PNLIP: variants seen among roughly 807,000 people sequenced by gnomAD.
The protein encoded by PNLIP is pancreatic triacylglycerol lipase.
Under a neutral mutation model 57.1 loss-of-function variants are expected in PNLIP, and 49 were observed. The observed-to-expected ratio is 0.86, with a 90% CI of 0.68 to 1.09. The LOEUF (loss-of-function observed/expected upper bound fraction) is 1.09, where lower values mean the gene tolerates loss of function less well. PNLIP is among the 50% of genes least tolerant of loss of function. PNLIP has a pLI of 0.00. For missense variants in PNLIP, 503 were observed against 570.2 expected, an observed-to-expected ratio of 0.88 and a Z score of 1.20; for synonymous variants, 209 against 200.4, an observed-to-expected ratio of 1.04 and a Z score of -0.36.
At chr10:116,550,221 G>A (rs935449238) in intron 4 of PNLIP, among the ~76,000 whole-genome samples, 3 of 151,540 alleles carry the variant, frequency 2.0e-5, no homozygotes, top group Non-Finnish European at 4.4e-5. Context: ...ACCAGGCCCG[G>A]CTAATTTTTT....
At chr10:116,565,039 T>C (rs2133209802) in intron 12 of PNLIP, among the ~76,000 whole-genome samples, 1 of 151,874 alleles carries the variant, frequency 6.6e-6, no homozygotes, top group East Asian at 1.9e-4. Flanking sequence ...GGCGGGTGGA[T>C]CATGAGGTCA....
chr10:116,561,836 T>C (rs758198161), intron 12 of PNLIP, among the ~76,000 whole-genome samples, 200 bp downstream of exon 12: 19 of 152,192 alleles, frequency 1.2e-4, no homozygotes, highest in South Asian at 4.1e-4. Flanking sequence ...ATGATAGATG[T>C]GTGTTAGCTG....
intron 12 of PNLIP, 108 bp from the exon 13 acceptor site, chr10:116,567,627 G>A: frequency 1.2e-6 from 1 of 832,136 alleles, no homozygotes; most frequent in Non-Finnish European, 2.1e-6. Flanking sequence ...AGCACAGGGT[G>A]CGCCCTTCCC....
At chr10:116,547,725 CAAAA>C (rs569977938) in intron 3 of PNLIP, among the ~76,000 whole-genome samples, 1 of 47,240 alleles carries the variant, frequency 2.1e-5, no homozygotes, top group Non-Finnish European at 4.1e-5. Context: ...GACTCCATCT[CAAAA>C]AAAAAAAAAA....
At chr10:116,567,654 G>A in intron 12 of PNLIP, 81 bp from the exon 13 acceptor site, 1 of 1,146,528 alleles carries the variant, frequency 8.7e-7, no homozygotes, top group Non-Finnish European at 1.3e-6. Flanking sequence ...TAGGAGGTTG[G>A]GGGCATAGAT....
At chr10:116,553,485 C>T (rs1847216812) in intron 5 of PNLIP, among the ~76,000 whole-genome samples, 1 of 152,204 alleles carries the variant, frequency 6.6e-6, no homozygotes, top group Non-Finnish European at 1.5e-5. Flanking sequence ...CGTTGTGTTC[C>T]AGTTGCCTAG....
chr10:116,567,147 CTCTTTCTTTCTTT>C (rs1564728833), intron 12 of PNLIP, among the ~76,000 whole-genome samples: 3 of 132,504 alleles, frequency 2.3e-5, no homozygotes, highest in Non-Finnish European at 3.2e-5. Flanking sequence ...TTCTTTTCTT[CTCTTTCTTTCTTT>C]TCTTTCTTTC....
At position 116,561,472 on chromosome 10, in the gene PNLIP, G is replaced by A; in HGVS notation, c.1170G>A (p.Lys390=). Residue 390 remains lysine, a splice_region_variant and synonymous_variant, in exon 12 of 13, where the codon AAG becomes AAA. Coordinates refer to ENST00000369221, the MANE Select transcript of PNLIP (RefSeq NM_000936.4). ...TTTTGTTAACTTCTTAAATCCTTAG[G>A]GGCACTCTCAAACCAGATAGTACTC... The part of the protein sequence containing the change: ...KGNSKQYEIF[K]GTLKPDSTHS... 1 of 1,609,170 alleles carries A rather than the reference G, an allele frequency of 6.2e-7. No homozygotes were observed. The highest frequency in any genetic ancestry group is 8.5e-7 in the Non-Finnish European group (1 of 1,177,762).
At chr10:116,561,344 C>T in intron 11 of PNLIP, 128 bp from the exon 12 acceptor site, 1 of 584,906 alleles carries the variant, frequency 1.7e-6, no homozygotes. Context: ...GCCAGAAATG[C>T]ATTGTAAGCT....
intron 3 of PNLIP, among the ~76,000 whole-genome samples, chr10:116,548,062 T>A (rs562083669): frequency 4.6e-5 from 7 of 152,090 alleles, no homozygotes; most frequent in Admixed American, 3.9e-4. Context: ...TAAAGACATA[T>A]AAAAATACAC....
intron 6 of PNLIP, among the ~76,000 whole-genome samples, chr10:116,554,625 C>T (rs1423641731): frequency 3.3e-5 from 5 of 152,280 alleles, no homozygotes; most frequent in Middle Eastern, 3.4e-3. Context: ...TGTGTTCAAC[C>T]TTTTTGTCTC....
rs1466761277 is a variant in PNLIP at position 116,548,884 on chromosome 10, G to T, written c.324+402G>T. ...AATTCTTTTCCTTTGATTTTCACTT[G>T]CTACTCTCGGATCTCCTCTGGTAGC... On this transcript the variant is annotated intron_variant, in intron 4 of 12. Transcript: ENST00000369221. 5.9e-5 allele frequency among the ~76,000 whole-genome samples: 9 copies of T among 152,272 alleles called. No individual in the cohort carries two copies. In the South Asian group the frequency reaches 1.7e-3, roughly 28 times the overall value.
At chr10:116,547,725 CA>C (rs569977938) in intron 3 of PNLIP, among the ~76,000 whole-genome samples, 5,443 of 47,402 alleles carry the variant, frequency 0.11, 42 homozygotes, top group African/African-American at 0.14. Context: ...GACTCCATCT[CA>C]AAAAAAAAAA....
At chr10:116,567,238 ATTCCTTCCTTCC>A (rs762022737) in intron 12 of PNLIP, among the ~76,000 whole-genome samples, 2 of 73,752 alleles carry the variant, frequency 2.7e-5, no homozygotes, top group African/African-American at 1.1e-4. Flanking sequence ...TTCTTTCTTT[ATTCCTTCCTTCC>A]TTCCTTCCTT....
intron 12 of PNLIP, among the ~76,000 whole-genome samples, chr10:116,562,106 G>A (rs1847321434): frequency 6.6e-6 from 1 of 152,184 alleles, no homozygotes; most frequent in Non-Finnish European, 1.5e-5. Context: ...ACCAGGACTG[G>A]AGTGTGTGGG....
intron 4 of PNLIP, among the ~76,000 whole-genome samples, chr10:116,550,376 A>G (rs75436882): frequency 6.9e-6 from 1 of 145,006 alleles, no homozygotes; most frequent in South Asian, 2.2e-4. Flanking sequence ...ATTCTTTTTG[A>G]AAAAAAAAAA....
At chr10:116,557,636 G>A (rs1847266867) in intron 9 of PNLIP, among the ~76,000 whole-genome samples, 1 of 152,112 alleles carries the variant, frequency 6.6e-6, no homozygotes, top group Non-Finnish European at 1.5e-5. Context: ...CCTGGATTTT[G>A]TTGAATGCCA....
chr10:116,555,570 A>C, intron 8 of PNLIP, 63 bp downstream of exon 8: 1 of 1,562,638 alleles, frequency 6.4e-7, no homozygotes, highest in South Asian at 1.2e-5. Context: ...GTTTTGCTAA[A>C]CTTGCTAAAT....
intron 2 of PNLIP, 71 bp from the exon 3 acceptor site, chr10:116,547,223 C>G: frequency 7.0e-7 from 1 of 1,428,488 alleles, no homozygotes; most frequent in South Asian, 1.1e-5. Context: ...TGTAATTGAA[C>G]TCATATATTG....
Sources: allele counts gnomAD v4.1 joint callset (sites outside exome capture counted in the v4.1 genomes callset), GRCh38; gene constraint gnomAD v4.1.1; transcripts MANE v1.5; gene names NCBI Gene and HGNC (gene_info 2026-07-23, HGNC 2026-07-21).